The following MIOS variants were observed in gnomAD, a reference collection of about 807,000 sequenced individuals.
MIOS encodes GATOR2 complex protein MIOS.
In MIOS, 52 loss-of-function variants were observed where a neutral mutation model predicts 96.9. The ratio of observed to expected loss-of-function variants is 0.54; its 90% CI spans 0.43 to 0.68. The LOEUF (loss-of-function observed/expected upper bound fraction) is 0.68. Among genes scored for constraint, MIOS ranks in the 30% least tolerant of loss-of-function variants. MIOS has a pLI of 0.00. For synonymous variants in MIOS, 397 were observed against 359.5 expected, an observed-to-expected ratio of 1.10 and a Z score of -1.18; for missense variants, 1,005 against 1,052.8, an observed-to-expected ratio of 0.95 and a Z score of 0.63.
intron 12 of MIOS, 86 bp downstream of exon 12, chr7:7,606,157 G>A (rs1784524860): frequency 6.6e-7 from 1 of 1,504,970 alleles, no homozygotes; most frequent in South Asian, 1.3e-5. Context: ...TTATCTATTA[G>A]CATTTAGCCA....
At chr7:7,591,155 T>G (rs1189853688) in intron 9 of MIOS, among the ~76,000 whole-genome samples, 1 of 152,196 alleles carries the variant, frequency 6.6e-6, no homozygotes, top group Non-Finnish European at 1.5e-5. Context: ...AAATTTTAAC[T>G]GAAAATGTCT....
chr7:7,571,870 C>T (rs975947527), intron 3 of MIOS, among the ~76,000 whole-genome samples: 1 of 152,178 alleles, frequency 6.6e-6, no homozygotes, highest in African/African-American at 2.4e-5. Flanking sequence ...TTGTTCATTA[C>T]GATGACCACA....
chr7:7,595,208 A>G, intron 10 of MIOS, 76 bp downstream of exon 10: 2 of 1,481,288 alleles, frequency 1.4e-6, no homozygotes, highest in South Asian at 2.6e-5. Context: ...TTAGCTCATT[A>G]TTTTGCTTAT....
rs997093367 is a variant in MIOS, at chr7:7,573,167, C to T, written c.692C>T (p.Thr231Met). 12 of 1,613,880 alleles carry T rather than the reference C, an allele frequency of 7.4e-6. No individual in the cohort carries two copies. Among genetic ancestry groups the T allele is most frequent in the African/African-American group, 4.0e-5 (3 of 74,892 alleles). ...AATACAAAAGCTGTTCAGGGTGTGA[C>T]GGTAGACCCATATTTCCACGATCGT... ...FVNTKAVQGV[T>M]VDPYFHDRVA... Residue 231 changes from threonine (T) to methionine (M), a missense_variant, in exon 4 of 13, where the codon ACG becomes ATG. Coordinates refer to ENST00000340080, the MANE Select transcript of MIOS (RefSeq NM_019005.4). The surrounding 1 kb of genome is among the most constrained non-coding windows in gnomAD (Gnocchi z 5.0).
intron 5 of MIOS, among the ~76,000 whole-genome samples, chr7:7,574,635 G>T (rs1783467923): frequency 6.6e-6 from 1 of 152,082 alleles, no homozygotes; most frequent in South Asian, 2.1e-4. Context: ...ACAGCAAGGA[G>T]TATGATATGA....
At chr7:7,581,344 C>A (rs1025128692) in intron 5 of MIOS, among the ~76,000 whole-genome samples, 2 of 152,122 alleles carry the variant, frequency 1.3e-5, no homozygotes, top group African/African-American at 4.8e-5. Flanking sequence ...ATTTAACTTG[C>A]AAATGACAAG....
chr7:7,572,959 AAACTT>A lies in MIOS; in HGVS notation c.485_489del (p.Lys162IlefsTer4). ...TGATATAGTTCCCATGGAAAAAGTG[AAACTT>A]TCAGCAGGTGAAACTGAAACAACAT... On this transcript the variant is annotated frameshift_variant, in exon 4 of 13. Coordinates refer to ENST00000340080, the MANE Select transcript of MIOS (RefSeq NM_019005.4). LOFTEE classifies it high-confidence loss of function. This position sits in a 1 kb window ranked among gnomAD's most constrained non-coding sequence, Gnocchi z 4.8. 1 of 1,614,188 alleles carries A rather than the reference AAACTT, an allele frequency of 6.2e-7. No individual in the cohort carries two copies. The highest frequency in any genetic ancestry group is 8.5e-7 in the Non-Finnish European group (1 of 1,179,998).
intron 3 of MIOS, among the ~76,000 whole-genome samples, chr7:7,568,613 A>G (rs1783236340): frequency 6.6e-6 from 1 of 152,254 alleles, no homozygotes; most frequent in East Asian, 1.9e-4. Context: ...TTTAATGGCC[A>G]GTCTGCTGTC....
chr7:7,569,436 A>G (rs1247319178), intron 3 of MIOS, among the ~76,000 whole-genome samples: 2 of 152,214 alleles, frequency 1.3e-5, no homozygotes, highest in African/African-American at 4.8e-5. Context: ...ATAATAGCAG[A>G]CATTTAAATC....
chr7:7,597,488 A>AT, intron 11 of MIOS, among the ~76,000 whole-genome samples: 1 of 60,384 alleles, frequency 1.7e-5, no homozygotes, highest in African/African-American at 5.6e-5. Context: ...ATATATATAT[A>AT]TATATATATA....
At chr7:7,600,830 C>T (rs1784353969) in intron 11 of MIOS, among the ~76,000 whole-genome samples, 1 of 152,200 alleles carries the variant, frequency 6.6e-6, no homozygotes. Flanking sequence ...AAGCACTCCT[C>T]AGCAAATGTA....
At chr7:7,569,959 G>C (rs2115333385) in intron 3 of MIOS, among the ~76,000 whole-genome samples, 1 of 152,332 alleles carries the variant, frequency 6.6e-6, no homozygotes, top group South Asian at 2.1e-4. Flanking sequence ...AGTAGGCAGA[G>C]ACCAAAAGCA....
intron 5 of MIOS, chr7:7,581,740 C>G (rs761621994): frequency 6.6e-6 from 1 of 152,206 alleles, no homozygotes; most frequent in Non-Finnish European, 1.5e-5. Context: ...CAGACCCTCT[C>G]AGAGCACAGC....
chr7:7,571,422 C>T (rs1445575495), intron 3 of MIOS, among the ~76,000 whole-genome samples: 2 of 152,068 alleles, frequency 1.3e-5, no homozygotes, highest in Non-Finnish European at 2.9e-5. Context: ...TATGTGTGTA[C>T]CACTGGTCAT....
chr7:7,586,757 TATA>T (rs1400772324), intron 7 of MIOS, among the ~76,000 whole-genome samples: 4 of 152,196 alleles, frequency 2.6e-5, no homozygotes, highest in Admixed American at 6.5e-5. Context: ...AATTAATACG[TATA>T]ATGTTAGGAC....
chr7:7,600,657 A>G (rs1443766275), intron 11 of MIOS, among the ~76,000 whole-genome samples: 2 of 152,150 alleles, frequency 1.3e-5, no homozygotes, highest in South Asian at 2.1e-4. Flanking sequence ...AGACAGATCA[A>G]CGAGGCAGAA....
intron 9 of MIOS, among the ~76,000 whole-genome samples, chr7:7,593,919 ACCTAAAGCAAGCATAGATGAAATGTG>A (rs1467232030): frequency 1.3e-5 from 2 of 151,476 alleles, no homozygotes; most frequent in Non-Finnish European, 2.9e-5. Flanking sequence ...AAAAAAGAAA[ACCTAAAGCAAGCATAGATGAAATGTG>A]GAATGTCACA....
intron 12 of MIOS, among the ~76,000 whole-genome samples, 191 bp downstream of exon 12, chr7:7,606,262 G>C (rs1484098554): frequency 6.6e-6 from 1 of 152,172 alleles, no homozygotes; most frequent in Non-Finnish European, 1.5e-5. Context: ...AACTATAAAG[G>C]TAATACTTAT....
At chr7:7,605,836 G>A (rs566506287) in intron 11 of MIOS, 106 bp from the exon 12 acceptor site, 4 of 1,139,632 alleles carry the variant, frequency 3.5e-6, no homozygotes, top group Non-Finnish European at 4.9e-6. Flanking sequence ...ATTTCAATAT[G>A]ATGTGTGATT....
Sources: gnomAD v4.1 joint callset for allele counts (sites outside exome capture counted in the v4.1 genomes callset) on GRCh38, gnomAD v4.1.1 for gene constraint, Gnocchi (gnomAD v3.1) non-coding constraint, MANE v1.5 for transcripts, NCBI Gene and HGNC (gene_info 2026-07-23, HGNC 2026-07-21) for gene names.